Variants in ZNF892 observed in about 807,000 individuals in gnomAD.
ZNF892 encodes the protein zinc finger protein 892.
the ZNF892 span, among the ~76,000 whole-genome samples, chr2:95,210,209 GTGTATATA>G: frequency 4.8e-5 from 7 of 146,196 alleles, no homozygotes; most frequent in African/African-American, 1.7e-4. Flanking sequence ...ATGTATATAT[GTGTATATA>G]TGTATATATA....
chr2:95,256,695 A>G, the ZNF892 span, among the ~76,000 whole-genome samples: 1 of 152,206 alleles, frequency 6.6e-6, no homozygotes, highest in Non-Finnish European at 1.5e-5. Flanking sequence ...TCTCCCTGTC[A>G]CTTTCAGATA....
the ZNF892 span, among the ~76,000 whole-genome samples, chr2:95,244,772 T>C: frequency 2.0e-5 from 3 of 152,142 alleles, no homozygotes; most frequent in African/African-American, 7.2e-5. Flanking sequence ...TACTCTAAAA[T>C]TGATCACATA....
chr2:95,220,995 A>G, the ZNF892 span, among the ~76,000 whole-genome samples: 1 of 152,222 alleles, frequency 6.6e-6, no homozygotes, highest in East Asian at 1.9e-4. Context: ...TTAATTTGCC[A>G]TATGACATAT....
the ZNF892 span, among the ~76,000 whole-genome samples, chr2:95,212,638 C>T: frequency 3.9e-5 from 6 of 152,166 alleles, no homozygotes; most frequent in Admixed American, 1.3e-4. Flanking sequence ...AGATCAATGA[C>T]TGTAAATTCA....
the ZNF892 span, among the ~76,000 whole-genome samples, chr2:95,234,984 T>G: frequency 6.6e-6 from 1 of 152,148 alleles, no homozygotes; most frequent in African/African-American, 2.4e-5. Flanking sequence ...TGTGGTTTCT[T>G]GGGCTATCTC....
chr2:95,237,227 AACCTCC>A, the ZNF892 span, among the ~76,000 whole-genome samples: 27 of 151,066 alleles, frequency 1.8e-4, no homozygotes, highest in Admixed American at 9.3e-4. Flanking sequence ...GGCTCACTGC[AACCTCC>A]ACCTCCTGGG....
At chr2:95,250,869 A>C in the ZNF892 span, among the ~76,000 whole-genome samples, 1 of 146,998 alleles carries the variant, frequency 6.8e-6, no homozygotes, top group Middle Eastern at 4.3e-3. Context: ...TTAAATAATA[A>C]ATAAATATTA....
chr2:95,221,683 T>G, the ZNF892 span, among the ~76,000 whole-genome samples: 1 of 152,208 alleles, frequency 6.6e-6, no homozygotes, highest in African/African-American at 2.4e-5. Flanking sequence ...ACTTAGTCCC[T>G]TTTTTCTTTC....
chr2:95,256,256 G>T, the ZNF892 span, among the ~76,000 whole-genome samples: 3 of 152,146 alleles, frequency 2.0e-5, no homozygotes, highest in African/African-American at 7.2e-5. Context: ...AGCTCTTTTA[G>T]GGCAGGCCTG....
the ZNF892 span, among the ~76,000 whole-genome samples, chr2:95,228,545 T>C: frequency 6.6e-6 from 1 of 152,254 alleles, no homozygotes; most frequent in African/African-American, 2.4e-5. Flanking sequence ...TTGTAATTAA[T>C]AACTTTTCCC....
At chr2:95,228,047 A>G in the ZNF892 span, among the ~76,000 whole-genome samples, 9 of 152,296 alleles carry the variant, frequency 5.9e-5, no homozygotes, top group South Asian at 1.0e-3. Context: ...CCAATTTCCA[A>G]TCAGTTGGGA....
At chr2:95,207,510 C>T in the ZNF892 span, 4 of 300,634 alleles carry the variant, frequency 1.3e-5, no homozygotes, top group Non-Finnish European at 2.4e-5. Context: ...GCGGAGGATT[C>T]TGGGAGTGGT....
At chr2:95,225,973 C>T in the ZNF892 span, among the ~76,000 whole-genome samples, 9 of 152,200 alleles carry the variant, frequency 5.9e-5, no homozygotes, top group African/African-American at 1.9e-4. Flanking sequence ...CAGAAGCTCT[C>T]ATGGGTTGAA....
chr2:95,214,703 C>G, the ZNF892 span: 1 of 413,414 alleles, frequency 2.4e-6, no homozygotes, highest in Non-Finnish European at 4.3e-6. Context: ...CTTGGAAATG[C>G]AATGAATGCG....
At chr2:95,250,682 CTATTCATAAATTATAAATTTATA>C in the ZNF892 span, among the ~76,000 whole-genome samples, 32 of 24,236 alleles carry the variant, frequency 1.3e-3, no homozygotes, top group East Asian at 7.3e-3. Flanking sequence ...TAAATATAAA[CTATTCATAAATTATAAATTTATA>C]AATATAAAAT....
the ZNF892 span, chr2:95,215,239 C>A: frequency 2.1e-6 from 1 of 467,236 alleles, no homozygotes; most frequent in African/African-American, 2.0e-5. Flanking sequence ...GGCTACTGCT[C>A]AGCCCTGACT....
At chr2:95,209,232 C>A in the ZNF892 span, among the ~76,000 whole-genome samples, 2 of 151,782 alleles carry the variant, frequency 1.3e-5, no homozygotes, top group African/African-American at 4.8e-5. Context: ...GGGAATATTA[C>A]AAGACAGAAT....
chr2:95,246,766 T>C, the ZNF892 span, among the ~76,000 whole-genome samples: 3 of 152,182 alleles, frequency 2.0e-5, no homozygotes, highest in Non-Finnish European at 4.4e-5. Flanking sequence ...ATAATGGCTA[T>C]AAAAAGAATG....
At chr2:95,226,530 A>C in the ZNF892 span, among the ~76,000 whole-genome samples, 1 of 152,320 alleles carries the variant, frequency 6.6e-6, no homozygotes, top group South Asian at 2.1e-4. Flanking sequence ...ATAATCATGA[A>C]TTGTGAGCTT....
Sources: allele counts gnomAD v4.1 joint callset (sites outside exome capture counted in the v4.1 genomes callset), GRCh38; gene constraint gnomAD v4.1.1; transcripts MANE v1.5; gene names NCBI Gene and HGNC (gene_info 2026-07-23, HGNC 2026-07-21).